Variants in ADK observed in about 807,000 individuals in gnomAD.
The protein encoded by ADK is N6,N6-dimethyladenosine kinase.
Under a neutral mutation model 44.7 loss-of-function variants are expected in ADK, and 24 were observed. The observed-to-expected ratio is 0.54, with a 90% CI of 0.39 to 0.76. The LOEUF is 0.76. Ranked by LOEUF, ADK falls within the 30% of genes least tolerant of loss-of-function variation. The pLI is 0.00. For missense variants in ADK, 321 were observed against 425.1 expected (o/e 0.76, Z 2.15); for synonymous variants, 128 against 142.6 (o/e 0.90, Z 0.73).
chr10:74,248,272 A>G (rs978157427), intron 3 of ADK, among the ~76,000 whole-genome samples: 2 of 152,200 alleles, frequency 1.3e-5, no homozygotes, highest in Non-Finnish European at 2.9e-5. Flanking sequence ...CTTATGAGGC[A>G]TTAAAGCATA....
At position 74,249,226 on chromosome 10, in the gene ADK, T is replaced by A. The variant is rs139172929; in HGVS notation, c.194+24635T>A. Among the ~76,000 whole-genome samples, 519 of 152,218 alleles carry A rather than the reference T, an allele frequency of 3.4e-3. 1 individual carries two copies. The highest frequency in any genetic ancestry group is 0.012 in the African/African-American group (480 of 41,468). ...GGAGGAAGGCTCTAGCTTTTCTTAT[T>A]TTCTTTAATGTTTTTTAGGCATGCT... is the stretch of plus-strand genomic sequence containing the variant. On this transcript the variant is annotated intron_variant, in intron 3 of 10. Coordinates refer to ENST00000539909, the MANE Select transcript of ADK (RefSeq NM_006721.4).
chr10:74,570,605 A>G (rs1267488767), intron 7 of ADK, among the ~76,000 whole-genome samples: 2 of 152,198 alleles, frequency 1.3e-5, no homozygotes, highest in Non-Finnish European at 2.9e-5. Context: ...TTATTGGTGT[A>G]TAAGAATGCT....
chr10:74,531,696 G>A (rs1164610588), intron 7 of ADK, among the ~76,000 whole-genome samples: 3 of 152,006 alleles, frequency 2.0e-5, no homozygotes, highest in Non-Finnish European at 2.9e-5. Context: ...ACCACAGCTG[G>A]CTAATTTTTA....
At chr10:74,431,015 C>A (rs1005137670) in intron 6 of ADK, among the ~76,000 whole-genome samples, 30 of 137,024 alleles carry the variant, frequency 2.2e-4, no homozygotes, top group African/African-American at 6.7e-4. Context: ...TGCAGTGAGC[C>A]GAGATCCCGC....
intron 3 of ADK, among the ~76,000 whole-genome samples, chr10:74,285,638 A>G (rs960697766): frequency 6.6e-6 from 1 of 152,166 alleles, no homozygotes; most frequent in South Asian, 2.1e-4. Context: ...CCGAGATTGC[A>G]CCATTGCACT....
In ADK at chr10:74,151,246, G is replaced by T; in HGVS notation, c.-33G>T. 6.5e-7 allele frequency: 1 copy of T among 1,549,410 alleles called. No individual in the cohort carries two copies. Among genetic ancestry groups the T allele is most frequent in the South Asian group, 1.2e-5 (1 of 83,964 alleles). The stretch of plus-strand genomic sequence containing the variant: ...ACCAGAGAGTGGATGGCAGAGGTGG[G>T]CTGTAGAGCCAAAGTGGGGTGGGAG... On this transcript the variant is annotated 5_prime_UTR_variant, in exon 1 of 11. Coordinates refer to ENST00000539909, the MANE Select transcript of ADK (RefSeq NM_006721.4).
At chr10:74,328,505 C>G (rs991994529) in intron 4 of ADK, among the ~76,000 whole-genome samples, 6 of 152,114 alleles carry the variant, frequency 3.9e-5, no homozygotes, top group Non-Finnish European at 7.4e-5. Context: ...TGTCCCCACC[C>G]AAACCTCATC....
chr10:74,212,051 T>C (rs1843833570), intron 2 of ADK, among the ~76,000 whole-genome samples: 1 of 152,192 alleles, frequency 6.6e-6, no homozygotes, highest in South Asian at 2.1e-4. Flanking sequence ...TCTAAATTCT[T>C]AGAATTTGAA....
intron 1 of ADK, 131 bp downstream of exon 1, chr10:74,151,474 C>A: frequency 1.0e-6 from 1 of 984,976 alleles, no homozygotes; most frequent in Non-Finnish European, 1.5e-6. Flanking sequence ...CAGGACCTCC[C>A]CCAGCTGCCC....
intron 1 of ADK, chr10:74,176,383 C>G (rs1264792381): frequency 1.4e-5 from 13 of 918,712 alleles, no homozygotes; most frequent in Non-Finnish European, 1.6e-5. Flanking sequence ...ATCCCACTCC[C>G]GAAGACCTGC....
At chr10:74,556,293 A>G (rs1224663999) in intron 7 of ADK, among the ~76,000 whole-genome samples, 1 of 152,240 alleles carries the variant, frequency 6.6e-6, no homozygotes, top group African/African-American at 2.4e-5. Context: ...GAGAACAGCA[A>G]TATGCCATAT....
intron 6 of ADK, among the ~76,000 whole-genome samples, chr10:74,416,029 TATATAC>T (rs1469203625): frequency 9.2e-5 from 8 of 86,672 alleles, no homozygotes; most frequent in East Asian, 4.7e-4. Flanking sequence ...CACACATACA[TATATAC>T]ACACACACAC....
At chr10:74,598,441 CTTTTTTTTTTTTTTTT>C (rs915433699) in intron 8 of ADK, among the ~76,000 whole-genome samples, 6 of 111,772 alleles carry the variant, frequency 5.4e-5, no homozygotes, top group Non-Finnish European at 9.1e-5. Flanking sequence ...AATCTTATTC[CTTTTTTTTTTTTTTTT>C]TTTTTTTTTT....
intron 4 of ADK, chr10:74,372,309 C>G (rs545280685): frequency 2.6e-6 from 2 of 756,762 alleles, no homozygotes; most frequent in Non-Finnish European, 4.8e-6. Context: ...GCCTATTCAT[C>G]AGTTCCCTAC....
At chr10:74,496,298 C>T (rs1420162807) in intron 6 of ADK, among the ~76,000 whole-genome samples, 2 of 152,174 alleles carry the variant, frequency 1.3e-5, no homozygotes, top group Non-Finnish European at 2.9e-5. Context: ...CCAAATCTCA[C>T]CTTGAATTGT....
At position 74,291,192 on chromosome 10, in the gene ADK, G is replaced by A. The variant is rs374099004; in HGVS notation, c.195-23475G>A. On this transcript the variant is annotated intron_variant, in intron 3 of 10. Coordinates refer to ENST00000539909, the MANE Select transcript of ADK (RefSeq NM_006721.4). ...AGCACTTTGGGAGGCTGAGGTGGGC[G>A]GATCACGAGGTCAGGAAATCAAGAC... 2.3e-4 allele frequency among the ~76,000 whole-genome samples: 35 copies of A among 152,240 alleles called. 2 individuals are homozygous for A. The highest frequency in any genetic ancestry group is 7.5e-4 in the African/African-American group (31 of 41,560).
In ADK at chr10:74,477,320, T is replaced by G. The variant is rs181883350; in HGVS notation, c.556-47936T>G. Among the ~76,000 whole-genome samples the G allele has an allele frequency of 4.3e-4, 66 of 152,270 alleles. No individual in the cohort carries two copies. In the East Asian group the frequency reaches 0.011, roughly 26 times the overall value. On this transcript the variant is annotated intron_variant, in intron 6 of 10. Transcript: ENST00000539909. ...CCCAGGCACAAGCGATCCTCCCACC[T>G]CAGCCTCCCGAGTAGCTGGGTTTAC... is the stretch of plus-strand genomic sequence containing the variant.
At chr10:74,419,105 G>A (rs535352906) in intron 6 of ADK, among the ~76,000 whole-genome samples, 3 of 152,082 alleles carry the variant, frequency 2.0e-5, no homozygotes, top group East Asian at 1.9e-4. Context: ...AGCTTTTCAC[G>A]TGGTTTTAGA....
intron 7 of ADK, among the ~76,000 whole-genome samples, chr10:74,558,925 C>T (rs1850360870): frequency 2.0e-5 from 3 of 152,198 alleles, no homozygotes. Context: ...CTCAGGAAGA[C>T]TTAGGACTAA....
Sources: allele counts gnomAD v4.1 joint callset (sites outside exome capture counted in the v4.1 genomes callset), GRCh38; gene constraint gnomAD v4.1.1; transcripts MANE v1.5; gene names NCBI Gene and HGNC (gene_info 2026-07-23, HGNC 2026-07-21).